Variants in SMC5 observed in about 807,000 individuals in gnomAD.
SMC5 encodes structural maintenance of chromosomes 5.
SMC5 carries 88 observed loss-of-function variants against 148.3 expected under a neutral mutation model. The observed-to-expected ratio is 0.59, with a 90% confidence interval of 0.50 to 0.71. The LOEUF is 0.71. Among genes scored for constraint, SMC5 ranks in the 30% least tolerant of loss-of-function variants. The pLI is 0.00. For missense variants in SMC5, 1,142 were observed against 1,298.9 expected, an observed-to-expected ratio of 0.88 and a Z score of 1.86; for synonymous variants, 421 against 432.8, an observed-to-expected ratio of 0.97 and a Z score of 0.34.
intron 3 of SMC5, among the ~76,000 whole-genome samples, chr9:70,274,348 T>G (rs1233030584): frequency 6.6e-6 from 1 of 152,216 alleles, no homozygotes; most frequent in African/African-American, 2.4e-5. Context: ...CCCAAAGTGC[T>G]GGGATTACAG....
intron 11 of SMC5, among the ~76,000 whole-genome samples, chr9:70,307,266 A>G (rs994012416): frequency 6.6e-6 from 1 of 152,076 alleles, no homozygotes; most frequent in Non-Finnish European, 1.5e-5. Context: ...GGTGGTGTGC[A>G]CTATTTTTTC....
chr9:70,282,548 G>A lies in SMC5; in HGVS notation c.946G>A (p.Glu316Lys), dbSNP rs1667957009. Residue 316 changes from glutamate (E) to lysine (K), a missense_variant, in exon 7 of 25, where the codon GAG (glutamate) becomes AAG (lysine). Transcript: ENST00000361138. ...ATGTCGAATTGAAGAAATGGAAAAC[G>A]AGCGTCACAATTTGGAGGCTCGAAT... The part of the protein sequence containing the change: ...VTCRIEEMEN[E>K]RHNLEARIKE... The A allele has an allele frequency of 5.7e-6, 9 of 1,588,766 alleles. No individual in the cohort carries two copies. The highest frequency in any genetic ancestry group is 1.4e-5 in the African/African-American group (1 of 73,640).
chr9:70,264,674 A>G (rs568115748), intron 2 of SMC5, among the ~76,000 whole-genome samples: 1 of 152,352 alleles, frequency 6.6e-6, no homozygotes, highest in African/African-American at 2.4e-5. Flanking sequence ...TGCTAGAAAT[A>G]ATGTAATATG....
intron 1 of SMC5, among the ~76,000 whole-genome samples, chr9:70,261,496 A>G (rs1045877765): frequency 6.6e-6 from 1 of 152,206 alleles, no homozygotes; most frequent in African/African-American, 2.4e-5. Flanking sequence ...TGCTATTCAG[A>G]AGAGGGAGCA....
intron 5 of SMC5, among the ~76,000 whole-genome samples, chr9:70,279,645 T>C (rs943484028): frequency 6.6e-6 from 1 of 151,870 alleles, no homozygotes; most frequent in African/African-American, 2.4e-5. Context: ...GGTGAAACCC[T>C]GTCTCTACTA....
chr9:70,338,367 G>A (rs761166597), intron 17 of SMC5, among the ~76,000 whole-genome samples: 40 of 152,028 alleles, frequency 2.6e-4, no homozygotes, highest in Non-Finnish European at 4.6e-4. Context: ...TTCTCTTTTT[G>A]TTCTTGTTCC....
chr9:70,348,484 G>A lies in SMC5; in HGVS notation c.2889+446G>A, dbSNP rs868310619. On this transcript the variant is annotated intron_variant, in intron 22 of 24. Transcript: ENST00000361138. ...AGGCAGGCAGATAGCTTGAGCTCACGGGTTTGAGACCAGCCTGGGCAACAT... is the reference window on the plus strand; with the variant it reads ...AGGCAGGCAGATAGCTTGAGCTCACAGGTTTGAGACCAGCCTGGGCAACAT... 3.9e-5 allele frequency among the ~76,000 whole-genome samples: 6 copies of A among 152,068 alleles called. 1 individual carries two copies. The Middle Eastern group carries it at 0.01, about 259-fold the overall frequency.
At chr9:70,291,997 A>G (rs898235098) in intron 8 of SMC5, among the ~76,000 whole-genome samples, 31 of 152,190 alleles carry the variant, frequency 2.0e-4, no homozygotes, top group African/African-American at 7.2e-4. Context: ...AGCAAGTTCA[A>G]AATTCTACAG....
chr9:70,338,393 G>T (rs1020962369), intron 17 of SMC5, among the ~76,000 whole-genome samples: 31 of 152,022 alleles, frequency 2.0e-4, no homozygotes, highest in African/African-American at 7.0e-4. Flanking sequence ...CTTGCCCTTT[G>T]CCCAATTTAG....
At chr9:70,265,265 C>CCTGGT (rs1281503668) in intron 2 of SMC5, among the ~76,000 whole-genome samples, 1 of 152,102 alleles carries the variant, frequency 6.6e-6, no homozygotes, top group Non-Finnish European at 1.5e-5. Context: ...TCCAGACCAG[C>CCTGGT]CTGGTCAACA....
intron 17 of SMC5, among the ~76,000 whole-genome samples, chr9:70,335,455 A>G (rs760507549): frequency 1.4e-4 from 21 of 152,162 alleles, no homozygotes; most frequent in Admixed American, 5.2e-4. Context: ...TCACTGCGCT[A>G]TAGCCTAGGC....
intron 10 of SMC5, among the ~76,000 whole-genome samples, chr9:70,304,853 T>A (rs1485667985): frequency 6.6e-6 from 1 of 152,168 alleles, no homozygotes; most frequent in Non-Finnish European, 1.5e-5. Flanking sequence ...TTTTTGTGCC[T>A]ATTAGTTATT....
At chr9:70,286,527 T>C (rs2034906861) in intron 8 of SMC5, among the ~76,000 whole-genome samples, 1 of 152,242 alleles carries the variant, frequency 6.6e-6, no homozygotes, top group Non-Finnish European at 1.5e-5. Context: ...AATAGGATAA[T>C]GGTGGATTTG....
At chr9:70,337,520 A>G (rs2036394346) in intron 17 of SMC5, among the ~76,000 whole-genome samples, 1 of 144,878 alleles carries the variant, frequency 6.9e-6, no homozygotes, top group Admixed American at 7.1e-5. Flanking sequence ...CAGTGGCACA[A>G]TCTCAGCTCA....
At chr9:70,282,745 C>G (rs932837938) in intron 7 of SMC5, among the ~76,000 whole-genome samples, 162 bp downstream of exon 7, 1 of 152,070 alleles carries the variant, frequency 6.6e-6, no homozygotes, top group Non-Finnish European at 1.5e-5. Flanking sequence ...CAAGGACATA[C>G]TTATTACTGT....
chr9:70,278,742 T>TC (rs2034666755), intron 5 of SMC5, 117 bp downstream of exon 5: 1 of 1,003,914 alleles, frequency 1.0e-6, no homozygotes, highest in Admixed American at 3.2e-5. Flanking sequence ...TGATTTTTTT[T>TC]CACTTAGGAT....
chr9:70,323,633 T>C (rs1444857191), intron 16 of SMC5, 27 bp downstream of exon 16: 1 of 1,593,858 alleles, frequency 6.3e-7, no homozygotes, highest in Non-Finnish European at 8.5e-7. Flanking sequence ...ATTTTAGTCA[T>C]TTTTTAAAGG....
At chr9:70,285,016 C>CT (rs1381001074) in intron 7 of SMC5, among the ~76,000 whole-genome samples, 1 of 151,862 alleles carries the variant, frequency 6.6e-6, no homozygotes, top group Non-Finnish European at 1.5e-5. Context: ...TTTAGTCTCT[C>CT]TGAGTTTTAG....
intron 17 of SMC5, among the ~76,000 whole-genome samples, chr9:70,341,348 T>C (rs766380408): frequency 3.9e-5 from 6 of 152,216 alleles, no homozygotes; most frequent in Non-Finnish European, 7.3e-5. Context: ...TAATACTTTA[T>C]TTTAGCAAAG....
Sources: gnomAD v4.1 joint callset for allele counts (sites outside exome capture counted in the v4.1 genomes callset) on GRCh38, gnomAD v4.1.1 for gene constraint, MANE v1.5 for transcripts, NCBI Gene and HGNC (gene_info 2026-07-23, HGNC 2026-07-21) for gene names.